Variants in PPP2R2B observed in about 807,000 individuals in gnomAD.
PPP2R2B encodes the protein protein phosphatase 2 regulatory subunit Bbeta.
PPP2R2B carries 5 observed loss-of-function variants against 46.0 expected under a neutral mutation model. The ratio of observed to expected loss-of-function variants is 0.11; its 90% CI spans 0.06 to 0.23. The LOEUF (loss-of-function observed/expected upper bound fraction) is 0.23, where lower values mean the gene tolerates loss of function less well. Ranked by LOEUF, PPP2R2B falls within the 10% of genes least tolerant of loss-of-function variation. The pLI, the probability that PPP2R2B is intolerant of heterozygous loss-of-function variation, is 1.00. For synonymous variants in PPP2R2B, 215 were observed against 206.7 expected (o/e 1.04, Z -0.34); for missense variants, 367 against 575.0 (o/e 0.64, Z 3.70).
chr5:146,732,071 C>T (rs1053113344), intron 2 of PPP2R2B, among the ~76,000 whole-genome samples: 25 of 152,108 alleles, frequency 1.6e-4, no homozygotes, highest in African/African-American at 6.0e-4. Context: ...ATATTTATGA[C>T]TCAGGCCTCC....
intron 1 of PPP2R2B, among the ~76,000 whole-genome samples, chr5:147,053,279 T>G (rs907061668): frequency 6.8e-6 from 1 of 146,918 alleles, no homozygotes; most frequent in African/African-American, 2.5e-5. Context: ...ACAAAAACAA[T>G]GACAAGGAGA....
At chr5:146,646,638 G>A (rs932927500) in intron 6 of PPP2R2B, among the ~76,000 whole-genome samples, 53 of 152,176 alleles carry the variant, frequency 3.5e-4, no homozygotes, top group African/African-American at 1.1e-3. Context: ...GTAACTAGGG[G>A]GCAGCATCTT....
At chr5:146,776,061 A>G (rs1755161826) in intron 2 of PPP2R2B, among the ~76,000 whole-genome samples, 1 of 152,136 alleles carries the variant, frequency 6.6e-6, no homozygotes, top group Non-Finnish European at 1.5e-5. Flanking sequence ...CCAATGTGGT[A>G]TATCTGTTCA....
At chr5:147,023,089 C>T (rs774779707) in intron 1 of PPP2R2B, among the ~76,000 whole-genome samples, 1 of 151,864 alleles carries the variant, frequency 6.6e-6, no homozygotes, top group Non-Finnish European at 1.5e-5. Flanking sequence ...TTGTATTATG[C>T]CATATGTACA....
chr5:146,947,610 G>A (rs553400375), intron 1 of PPP2R2B, among the ~76,000 whole-genome samples: 1 of 151,996 alleles, frequency 6.6e-6, no homozygotes, highest in Non-Finnish European at 1.5e-5. Context: ...ATGGTTTAAA[G>A]CCTTATATAC....
At chr5:146,680,904 G>A (rs555481992) in intron 5 of PPP2R2B, among the ~76,000 whole-genome samples, 1 of 152,264 alleles carries the variant, frequency 6.6e-6, no homozygotes, top group Non-Finnish European at 1.5e-5. Context: ...GTTGAAAACA[G>A]TCTCCTTTAA....
chr5:146,686,143 T>C (rs903171117), intron 5 of PPP2R2B, among the ~76,000 whole-genome samples: 2 of 152,204 alleles, frequency 1.3e-5, no homozygotes, highest in Non-Finnish European at 2.9e-5. Flanking sequence ...TCCATTTCTG[T>C]GTAATCTGTT....
intron 1 of PPP2R2B, among the ~76,000 whole-genome samples, chr5:146,988,353 G>A (rs893481534): frequency 2.0e-5 from 3 of 151,950 alleles, no homozygotes; most frequent in East Asian, 1.9e-4. Flanking sequence ...GTCTAAGATA[G>A]AATGTATTTT....
chr5:146,945,318 T>A (rs1764446435), intron 1 of PPP2R2B, among the ~76,000 whole-genome samples: 1 of 152,206 alleles, frequency 6.6e-6, no homozygotes. Flanking sequence ...GTAGGAAAAT[T>A]TATTTACAGA....
chr5:146,978,067 T>C (rs1752999620), intron 1 of PPP2R2B, among the ~76,000 whole-genome samples: 1 of 152,210 alleles, frequency 6.6e-6, no homozygotes, highest in Admixed American at 6.5e-5. Context: ...TGATCACCAT[T>C]CTAACTGGCA....
intron 2 of PPP2R2B, among the ~76,000 whole-genome samples, chr5:146,783,379 T>C (rs970147211): frequency 6.6e-6 from 1 of 152,176 alleles, no homozygotes; most frequent in East Asian, 1.9e-4. Flanking sequence ...AAAAGATATA[T>C]GCATTGAATA....
chr5:146,599,999 C>A (rs1350466250), intron 8 of PPP2R2B, among the ~76,000 whole-genome samples: 1 of 152,212 alleles, frequency 6.6e-6, no homozygotes, highest in African/African-American at 2.4e-5. Context: ...TGTTCATCAT[C>A]TGACTTTTCC....
rs190135082 is a variant in PPP2R2B, at chr5:146,620,051, A to G, written c.790+18200T>C. ...CCGGGCACCATCTAGGGTAAGAATT[A>G]TCTCTATATTATGGCTGAGGAAACA... On this transcript the variant is annotated intron_variant, in intron 7 of 9. Transcript: ENST00000394411. 3.2e-3 allele frequency among the ~76,000 whole-genome samples: 491 copies of G among 152,284 alleles called. 4 individuals carry two copies. Among genetic ancestry groups the G allele is most frequent in the African/African-American group, 0.011 (470 of 41,556 alleles).
At chr5:146,720,442 T>G (rs1464951132) in intron 2 of PPP2R2B, among the ~76,000 whole-genome samples, 1 of 152,146 alleles carries the variant, frequency 6.6e-6, no homozygotes, top group Non-Finnish European at 1.5e-5. Flanking sequence ...GGACAAAGGA[T>G]AGGGGTGCTA....
intron 1 of PPP2R2B, among the ~76,000 whole-genome samples, chr5:146,959,023 T>G (rs1262628444): frequency 6.6e-6 from 1 of 152,186 alleles, no homozygotes; most frequent in Non-Finnish European, 1.5e-5. Context: ...ATTTGGTTCT[T>G]ACATAGTAGC....
intron 5 of PPP2R2B, among the ~76,000 whole-genome samples, chr5:146,683,005 C>T (rs553339306): frequency 6.6e-6 from 1 of 152,150 alleles, no homozygotes; most frequent in South Asian, 2.1e-4. Context: ...GCCAAAGGGT[C>T]TCAAACCCAT....
rs10583721 is a variant in PPP2R2B at position 146,807,776 on chromosome 5, C to CTTTTTTTTT, written c.70+70217_70+70225dup. The stretch of plus-strand genomic sequence containing the variant: ...TTGGTTAAACCTCCTGGGGTGCCTT[C>CTTTTTTTTT]TTTTTTTTTTTTTTTTTTTTTTTTT... On this transcript the variant is annotated intron_variant, in intron 2 of 9. Coordinates refer to ENST00000394411, the MANE Select transcript of PPP2R2B (RefSeq NM_181675.4). 6.0e-3 allele frequency among the ~76,000 whole-genome samples: 222 copies of CTTTTTTTTT among 36,918 alleles called. 65 individuals are homozygous for CTTTTTTTTT. The highest frequency in any genetic ancestry group is 0.038 in the Middle Eastern group (1 of 26). The allele number at this position is 36,918 out of a possible 152,430, so 24.2% of individuals were successfully genotyped here. A position where few individuals can be genotyped will look rare whatever the true frequency, so the allele number is the denominator to read the frequency against.
intron 1 of PPP2R2B, among the ~76,000 whole-genome samples, chr5:146,974,176 AC>A (rs1752787142): frequency 6.6e-6 from 1 of 152,240 alleles, no homozygotes. Context: ...TTTTAAAAGA[AC>A]AAAAAAGTCA....
intron 2 of PPP2R2B, among the ~76,000 whole-genome samples, chr5:147,063,688 A>G (rs1438815485): frequency 6.6e-6 from 1 of 152,204 alleles, no homozygotes; most frequent in African/African-American, 2.4e-5. Flanking sequence ...CTGATATGAA[A>G]CAATATTTTA....
Sources: gnomAD v4.1 joint callset for allele counts (sites outside exome capture counted in the v4.1 genomes callset) on GRCh38, gnomAD v4.1.1 for gene constraint, MANE v1.5 for transcripts, NCBI Gene and HGNC (gene_info 2026-07-23, HGNC 2026-07-21) for gene names.